UNC5A: variants seen among roughly 807,000 people sequenced by gnomAD.
UNC5A encodes the protein unc-5 netrin receptor A.
Under a neutral mutation model 87.4 loss-of-function variants are expected in UNC5A, and 20 were observed. That is an observed-to-expected ratio of 0.23 (90% CI 0.16 to 0.33). The LOEUF is 0.33. UNC5A is among the 10% of genes least tolerant of loss of function. The pLI is 1.00. For missense variants in UNC5A, 844 were observed against 1,133.4 expected, an observed-to-expected ratio of 0.74 and a Z score of 3.67; for synonymous variants, 438 against 482.3, an observed-to-expected ratio of 0.91 and a Z score of 1.20.
intron 1 of UNC5A, among the ~76,000 whole-genome samples, chr5:176,827,528 C>T (rs1201072588): frequency 6.6e-6 from 1 of 152,130 alleles, no homozygotes; most frequent in Non-Finnish European, 1.5e-5. Context: ...TATGGATGGA[C>T]CACATTTGGT....
At chr5:176,820,492 A>G (rs1756701402) in intron 1 of UNC5A, among the ~76,000 whole-genome samples, 1 of 152,204 alleles carries the variant, frequency 6.6e-6, no homozygotes, top group African/African-American at 2.4e-5. Flanking sequence ...ATCTGCTCAT[A>G]TATCTGCATT....
rs759697765 is a variant in UNC5A, at chr5:176,819,928, G to A, written c.70+9108G>A. The stretch of plus-strand genomic sequence containing the variant: ...ACAGCCTGTGGCTCAGAAGTAAAGC[G>A]GGATCTGGATCAACACTATTTTATT... On this transcript the variant is annotated intron_variant, in intron 1 of 14. Transcript: ENST00000329542. Among the ~76,000 whole-genome samples, 19 of 152,216 alleles carry A rather than the reference G, an allele frequency of 1.2e-4. No individual in the cohort carries two copies. In the East Asian group the frequency reaches 2.3e-3, roughly 19 times the overall value.
In UNC5A at chr5:176,865,859, G is replaced by A. The variant is rs143330025; in HGVS notation, c.293-2271G>A. On this transcript the variant is annotated intron_variant, in intron 2 of 14. Transcript: ENST00000329542. This position sits in a 1 kb window ranked among gnomAD's most constrained non-coding sequence, Gnocchi z 5.3. ...TCATTCCTCACCCAGAAGGCCAGGG[G>A]GCAGGGACCAAGGCCTGAAGTGCTG... 5.4e-3 allele frequency: 1,894 copies of A among 352,748 alleles called. 22 individuals carry two copies. Among genetic ancestry groups the A allele is most frequent in the South Asian group, 0.018 (860 of 47,800 alleles). 21.9% of individuals were successfully genotyped at this position (352,748 alleles called of 1,614,324 possible).
chr5:176,861,229 C>T (rs982312947), intron 1 of UNC5A, among the ~76,000 whole-genome samples: 2 of 152,248 alleles, frequency 1.3e-5, no homozygotes, highest in Admixed American at 6.5e-5. Flanking sequence ...CAGCAGCCTA[C>T]GCTCCCTGAG....
chr5:176,862,171 C>T (rs1267664287), intron 1 of UNC5A, among the ~76,000 whole-genome samples: 1 of 152,222 alleles, frequency 6.6e-6, no homozygotes, highest in African/African-American at 2.4e-5. Context: ...AGGGATGGGG[C>T]CAACCAGGAA....
In UNC5A at chr5:176,874,268, C is replaced by T. The variant is rs1407302538; in HGVS notation, c.1080C>T (p.Asn360=). The part of the protein sequence containing the change: ...PVSIKPSKAD[N]PHLLTIQPDL... ...GAGTCTGTCTTTATCCTGCAGACAA[C>T]CCCCATCTGCTCACCATCCAGCCGG... The change falls in exon 8 of 15, where the codon AAC becomes AAT. Residue 360 remains asparagine, a synonymous_variant. Transcript: ENST00000329542. This position sits in a 1 kb window ranked among gnomAD's most constrained non-coding sequence, Gnocchi z 7.6. The T allele has an allele frequency of 1.3e-6, 2 of 1,585,646 alleles. No homozygotes were observed. Among genetic ancestry groups the T allele is most frequent in the African/African-American group, 1.3e-5 (1 of 74,312 alleles).
chr5:176,838,291 GC>G lies in UNC5A; in HGVS notation c.71-24331del, dbSNP rs1427440290. On this transcript the variant is annotated intron_variant, in intron 1 of 14. Transcript: ENST00000329542. The surrounding 1 kb of genome is among the most constrained non-coding windows in gnomAD (Gnocchi z 4.2). ...TAGGAAGCCACTCCCCTGCTAAAAAGCCTGTGATGGTTCCCCAATGCCTATA... is the reference window on the plus strand; with the variant it reads ...TAGGAAGCCACTCCCCTGCTAAAAAGCTGTGATGGTTCCCCAATGCCTATA... 2.6e-5 allele frequency among the ~76,000 whole-genome samples: 4 copies of G among 152,162 alleles called. No homozygotes were observed. The highest frequency in any genetic ancestry group is 5.9e-5 in the Non-Finnish European group (4 of 68,036).
chr5:176,856,085 C>T (rs2113642335), intron 1 of UNC5A, among the ~76,000 whole-genome samples: 1 of 152,370 alleles, frequency 6.6e-6, no homozygotes, highest in South Asian at 2.1e-4. Context: ...CGCCCTGTCC[C>T]TACCCCTCCC....
intron 1 of UNC5A, among the ~76,000 whole-genome samples, chr5:176,839,449 C>T (rs1024762948): frequency 1.3e-5 from 2 of 152,228 alleles, no homozygotes; most frequent in Admixed American, 6.5e-5. Context: ...GCTGCTGTCA[C>T]GTTGGCTTCG....
intron 1 of UNC5A, among the ~76,000 whole-genome samples, chr5:176,827,179 C>CTTTTTTTTTTTTTT (rs35306601): frequency 9.3e-6 from 1 of 107,580 alleles, no homozygotes. Flanking sequence ...TGCTTCATTC[C>CTTTTTTTTTTTTTT]TTTTTTTTTT....
intron 1 of UNC5A, among the ~76,000 whole-genome samples, chr5:176,847,419 G>A (rs1757437483): frequency 1.3e-5 from 2 of 152,198 alleles, no homozygotes; most frequent in African/African-American, 2.4e-5. Context: ...GCCGAGGCGG[G>A]GGGGCCCTCA....
rs1270313038 is a variant in UNC5A at position 176,865,396 on chromosome 5, C to T, written c.292+2551C>T. The T allele has an allele frequency of 1.7e-5, 6 of 353,502 alleles. No individual in the cohort carries two copies. The Admixed American group carries it at 1.9e-4, about 11-fold the overall frequency. 21.9% of individuals were successfully genotyped at this position (353,502 alleles called of 1,614,324 possible). A position where few individuals can be genotyped will look rare whatever the true frequency, so the allele number is the denominator to read the frequency against. Reference sequence around the variant, plus strand: ...TGAATGAGCAGTCGCAGGCCCGGGCCGGCACACACACCGGGAGCCCCTGGC... The same window carrying T: ...TGAATGAGCAGTCGCAGGCCCGGGCTGGCACACACACCGGGAGCCCCTGGC... On this transcript the variant is annotated intron_variant, in intron 2 of 14. Coordinates refer to ENST00000329542, the MANE Select transcript of UNC5A (RefSeq NM_133369.3). The surrounding 1 kb of genome is among the most constrained non-coding windows in gnomAD (Gnocchi z 5.3).
chr5:176,878,460 C>G lies in UNC5A; in HGVS notation c.2020-15C>G, dbSNP rs376528091. ...CTTGGGCTCACCTGACACCTCCTCT[C>G]TGCATCCCCATCAGGAGATCCCCTT... On this transcript the variant is annotated splice_polypyrimidine_tract_variant and intron_variant, in intron 12 of 14. Coordinates refer to ENST00000329542, the MANE Select transcript of UNC5A (RefSeq NM_133369.3). The G allele has an allele frequency of 2.5e-6, 4 of 1,611,810 alleles. No homozygotes were observed. The African/African-American group carries it at 5.3e-5, about 22-fold the overall frequency.
intron 2 of UNC5A, 86 bp from the exon 3 acceptor site, chr5:176,868,044 A>G (rs1758016714): frequency 1.6e-6 from 2 of 1,283,858 alleles, no homozygotes; most frequent in Admixed American, 2.6e-5. Flanking sequence ...CCAGTCAGCG[A>G]GAGTGGCTGA....
chr5:176,827,180 T>TC (rs1756876018), intron 1 of UNC5A, among the ~76,000 whole-genome samples: 1 of 5,162 alleles, frequency 1.9e-4, no homozygotes, highest in Admixed American at 5.1e-3. Context: ...GCTTCATTCC[T>TC]TTTTTTTTTT....
At chr5:176,858,768 A>AAGGAAGGAAGGAAGGAAGGAAGGAAGGC (rs765510036) in intron 1 of UNC5A, among the ~76,000 whole-genome samples, 14 of 135,860 alleles carry the variant, frequency 1.0e-4, no homozygotes, top group Non-Finnish European at 1.8e-4. Context: ...GGAAGGAAGG[A>AAGGAAGGAAGGAAGGAAGGAAGGAAGGC]AGGAAGGCAA....
chr5:176,815,975 G>T (rs1360405381), intron 1 of UNC5A, among the ~76,000 whole-genome samples: 1 of 152,232 alleles, frequency 6.6e-6, no homozygotes, highest in Non-Finnish European at 1.5e-5. Context: ...TGACTCTCAG[G>T]ACATGGCACA....
intron 1 of UNC5A, among the ~76,000 whole-genome samples, chr5:176,860,358 C>A (rs905090952): frequency 7.9e-5 from 12 of 152,222 alleles, no homozygotes; most frequent in African/African-American, 2.7e-4. Flanking sequence ...GCCAGCAGCA[C>A]CCATCCCACA....
chr5:176,823,688 A>G (rs1026140205), intron 1 of UNC5A, among the ~76,000 whole-genome samples: 1 of 151,278 alleles, frequency 6.6e-6, no homozygotes, highest in Non-Finnish European at 1.5e-5. Context: ...GGGGGGCTCT[A>G]TGGGACAGTC....
Sources: allele counts gnomAD v4.1 joint callset (sites outside exome capture counted in the v4.1 genomes callset), GRCh38; gene constraint gnomAD v4.1.1; non-coding constraint Gnocchi (gnomAD v3.1); transcripts MANE v1.5; gene names NCBI Gene and HGNC (gene_info 2026-07-23, HGNC 2026-07-21).